KCNB2: variants seen among roughly 807,000 people sequenced by gnomAD.
KCNB2 encodes potassium voltage-gated channel subfamily B member 2, also known as delayed rectifier potassium channel protein.
KCNB2 carries 15 observed loss-of-function variants against 61.5 expected under a neutral mutation model. That is an observed-to-expected ratio of 0.24 (90% CI 0.16 to 0.38). KCNB2 has a LOEUF of 0.38. Ranked by LOEUF, KCNB2 falls within the 10% of genes least tolerant of loss-of-function variation. The probability of loss-of-function intolerance (pLI) is 1.00; values close to 1 mark genes in which losing one functional copy is unlikely to be tolerated. For missense variants in KCNB2, 828 were observed against 1,125.2 expected (o/e 0.74, Z 3.78); for synonymous variants, 457 against 446.0 (o/e 1.02, Z -0.31).
intron 2 of KCNB2, among the ~76,000 whole-genome samples, chr8:72,579,733 G>T (rs536938807): frequency 3.5e-4 from 53 of 152,292 alleles, no homozygotes; most frequent in South Asian, 2.3e-3. Flanking sequence ...GCTTTCACAA[G>T]GCTGTATTAG....
intron 2 of KCNB2, among the ~76,000 whole-genome samples, chr8:72,617,180 T>G (rs576805503): frequency 6.6e-6 from 1 of 152,266 alleles, no homozygotes; most frequent in East Asian, 1.9e-4. Flanking sequence ...AGCTAGGAGG[T>G]ATCCTTATGT....
intron 2 of KCNB2, among the ~76,000 whole-genome samples, chr8:72,825,380 T>A (rs925312145): frequency 4.6e-5 from 7 of 152,216 alleles, no homozygotes; most frequent in African/African-American, 1.4e-4. Context: ...ACTCTTTGAA[T>A]CCCTGTTTTC....
chr8:72,677,401 C>T (rs1806673990), intron 2 of KCNB2, among the ~76,000 whole-genome samples: 1 of 152,150 alleles, frequency 6.6e-6, no homozygotes, highest in Non-Finnish European at 1.5e-5. Context: ...GGACAATTTC[C>T]CCTCTGCATG....
intron 2 of KCNB2, among the ~76,000 whole-genome samples, chr8:72,668,805 C>T (rs60495702): frequency 3.9e-3 from 591 of 152,140 alleles, no homozygotes; most frequent in Non-Finnish European, 6.1e-3. Flanking sequence ...ATCTGAAGAT[C>T]CATGAGGACA....
chr8:72,578,164 T>C (rs1324267974), intron 2 of KCNB2, among the ~76,000 whole-genome samples: 1 of 152,234 alleles, frequency 6.6e-6, no homozygotes, highest in African/African-American at 2.4e-5. Context: ...ATAAATTAGA[T>C]GTATTTCATT....
At chr8:72,912,354 GA>G (rs1281117897) in intron 2 of KCNB2, among the ~76,000 whole-genome samples, 1 of 151,934 alleles carries the variant, frequency 6.6e-6, no homozygotes. Flanking sequence ...TAACTTCAGG[GA>G]AAAGGCCACA....
chr8:72,773,301 GTCT>G (rs1205291830), intron 2 of KCNB2, among the ~76,000 whole-genome samples: 2 of 152,136 alleles, frequency 1.3e-5, no homozygotes, highest in Non-Finnish European at 2.9e-5. Flanking sequence ...CTACTCATAT[GTCT>G]TCCCCCATGT....
chr8:72,720,834 A>G (rs1369582374), intron 2 of KCNB2, among the ~76,000 whole-genome samples: 1 of 152,254 alleles, frequency 6.6e-6, no homozygotes, highest in Non-Finnish European at 1.5e-5. Flanking sequence ...CCTAGATACT[A>G]TAAATTATCA....
chr8:72,781,930 G>C (rs1808763777), intron 2 of KCNB2, among the ~76,000 whole-genome samples: 2 of 151,996 alleles, frequency 1.3e-5, no homozygotes, highest in Admixed American at 6.6e-5. Flanking sequence ...AGGGTCATAG[G>C]GAGGGGAACA....
chr8:72,821,858 A>G (rs1415977817), intron 2 of KCNB2, among the ~76,000 whole-genome samples: 1 of 152,132 alleles, frequency 6.6e-6, no homozygotes. Flanking sequence ...AGACAGAGAG[A>G]CAAAGGGAAT....
chr8:72,713,358 C>A (rs1206936995), intron 2 of KCNB2, among the ~76,000 whole-genome samples: 1 of 152,214 alleles, frequency 6.6e-6, no homozygotes, highest in African/African-American at 2.4e-5. Flanking sequence ...GGGCAGACTG[C>A]CTCTTCAAGT....
intron 2 of KCNB2, among the ~76,000 whole-genome samples, chr8:72,725,591 G>GTATATA (rs60157669): frequency 4.1e-3 from 215 of 51,890 alleles, no homozygotes; most frequent in African/African-American, 9.1e-3. Flanking sequence ...ATATATGTAT[G>GTATATA]TATATATATA....
intron 2 of KCNB2, among the ~76,000 whole-genome samples, chr8:72,604,230 G>T (rs1326643894): frequency 1.3e-5 from 2 of 152,136 alleles, no homozygotes; most frequent in Non-Finnish European, 2.9e-5. Context: ...GAGTTAAGAT[G>T]CAGTAACTAC....
chr8:72,931,259 T>G (rs896872363), intron 2 of KCNB2, among the ~76,000 whole-genome samples: 2 of 152,198 alleles, frequency 1.3e-5, no homozygotes, highest in Admixed American at 6.5e-5. Context: ...TCTTTTGGCT[T>G]AGGATTGACT....
chr8:72,845,054 G>T (rs1375908800), intron 2 of KCNB2, among the ~76,000 whole-genome samples: 1 of 152,158 alleles, frequency 6.6e-6, no homozygotes, highest in Admixed American at 6.5e-5. Flanking sequence ...TTTTGTGCTG[G>T]TTTTTCCTCA....
At chr8:72,620,348 G>A (rs1354420702) in intron 2 of KCNB2, among the ~76,000 whole-genome samples, 2 of 152,188 alleles carry the variant, frequency 1.3e-5, no homozygotes, top group Non-Finnish European at 1.5e-5. Context: ...CCGTTTTATA[G>A]CACATGCTGA....
At chr8:72,720,890 A>G (rs566612165) in intron 2 of KCNB2, among the ~76,000 whole-genome samples, 164 of 152,338 alleles carry the variant, frequency 1.1e-3, no homozygotes, top group Admixed American at 2.3e-3. Context: ...TTTTCCAAGT[A>G]CTTATTACTT....
chr8:72,714,239 G>A (rs1174739763), intron 2 of KCNB2, among the ~76,000 whole-genome samples: 20 of 152,312 alleles, frequency 1.3e-4, no homozygotes, highest in Admixed American at 1.3e-3. Context: ...ACACTCTGCA[G>A]GATATTATCC....
intron 2 of KCNB2, among the ~76,000 whole-genome samples, chr8:72,867,904 A>G (rs1207633551): frequency 6.6e-6 from 1 of 152,110 alleles, no homozygotes; most frequent in African/African-American, 2.4e-5. Context: ...TTTGGCTGTT[A>G]TCTTCTTTCT....
Sources: allele counts gnomAD v4.1 joint callset (sites outside exome capture counted in the v4.1 genomes callset), GRCh38; gene constraint gnomAD v4.1.1; transcripts MANE v1.5; gene names NCBI Gene and HGNC (gene_info 2026-07-23, HGNC 2026-07-21).